The following FAF1 variants were observed in gnomAD, a reference collection of about 807,000 sequenced individuals.
The protein encoded by FAF1 is FAS-associated factor 1.
Under a neutral mutation model 92.5 loss-of-function variants are expected in FAF1, and 25 were observed. The ratio of observed to expected loss-of-function variants is 0.27; its 90% CI spans 0.20 to 0.38. FAF1 has a LOEUF of 0.38. Ranked by LOEUF, FAF1 falls within the 10% of genes least tolerant of loss-of-function variation. The pLI is 1.00. For missense variants in FAF1, 636 were observed against 793.3 expected (o/e 0.80, Z 2.38); for synonymous variants, 234 against 273.2 (o/e 0.86, Z 1.42).
intron 12 of FAF1, among the ~76,000 whole-genome samples, chr1:50,570,082 C>T (rs550875674): frequency 5.7e-4 from 87 of 152,168 alleles, no homozygotes; most frequent in African/African-American, 2.0e-3. Context: ...ACTATTATAT[C>T]GCAGTTGTGA....
intron 15 of FAF1, among the ~76,000 whole-genome samples, chr1:50,533,680 A>G (rs1269600133): frequency 3.9e-5 from 6 of 152,210 alleles, no homozygotes; most frequent in Non-Finnish European, 7.3e-5. Flanking sequence ...ACTTTTCATC[A>G]TTGTTCAGAA....
chr1:50,527,587 TAAAG>T (rs1647881873), intron 15 of FAF1, among the ~76,000 whole-genome samples: 1 of 152,170 alleles, frequency 6.6e-6, no homozygotes, highest in Non-Finnish European at 1.5e-5. Context: ...GATAATAGAA[TAAAG>T]AGTGATGACT....
chr1:50,853,080 G>A (rs1644363705), intron 2 of FAF1, among the ~76,000 whole-genome samples: 1 of 152,076 alleles, frequency 6.6e-6, no homozygotes, highest in Admixed American at 6.6e-5. Context: ...TTCGGATGAG[G>A]ACAGAGACTC....
chr1:50,683,946 A>G (rs1457604232), intron 7 of FAF1, among the ~76,000 whole-genome samples: 1 of 151,770 alleles, frequency 6.6e-6, no homozygotes, highest in African/African-American at 2.4e-5. Context: ...AAAAAAAAAA[A>G]GTAATATTTT....
chr1:50,638,736 G>A (rs1654183294), intron 8 of FAF1, among the ~76,000 whole-genome samples: 1 of 151,868 alleles, frequency 6.6e-6, no homozygotes, highest in Admixed American at 6.6e-5. Flanking sequence ...GAGCCACCAC[G>A]CCCAGCCTAG....
intron 1 of FAF1, among the ~76,000 whole-genome samples, chr1:50,869,716 G>A (rs940733407): frequency 6.6e-6 from 1 of 151,892 alleles, no homozygotes; most frequent in African/African-American, 2.4e-5. Flanking sequence ...TACCTACCTA[G>A]TATAGAGTTT....
chr1:50,565,640 T>C (rs1371750424), intron 13 of FAF1, among the ~76,000 whole-genome samples: 3 of 152,060 alleles, frequency 2.0e-5, no homozygotes, highest in African/African-American at 4.8e-5. Context: ...TGGCTGTTGA[T>C]TGCCATCATA....
chr1:50,859,595 A>G (rs907321262), intron 1 of FAF1, among the ~76,000 whole-genome samples: 1 of 152,030 alleles, frequency 6.6e-6, no homozygotes, highest in Non-Finnish European at 1.5e-5. Flanking sequence ...AACACTGCTG[A>G]AAGAAATCAG....
intron 12 of FAF1, among the ~76,000 whole-genome samples, chr1:50,572,606 A>G (rs1294449196): frequency 6.6e-6 from 1 of 152,200 alleles, no homozygotes; most frequent in East Asian, 1.9e-4. Flanking sequence ...CAAGCAGGAG[A>G]GTAGGAAGCC....
At chr1:50,910,288 C>G (rs887973120) in intron 1 of FAF1, among the ~76,000 whole-genome samples, 1 of 152,226 alleles carries the variant, frequency 6.6e-6, no homozygotes, top group East Asian at 1.9e-4. Context: ...TGTCAGTCAG[C>G]CCCTACTGGG....
At chr1:50,847,033 T>C (rs1361399621) in intron 2 of FAF1, among the ~76,000 whole-genome samples, 5 of 152,200 alleles carry the variant, frequency 3.3e-5, no homozygotes, top group Non-Finnish European at 5.9e-5. Context: ...ACTGACAGCT[T>C]CTCTGTAATC....
At chr1:50,760,358 C>T (rs1660274613) in intron 4 of FAF1, among the ~76,000 whole-genome samples, 1 of 152,178 alleles carries the variant, frequency 6.6e-6, no homozygotes, top group Admixed American at 6.5e-5. Flanking sequence ...CTACAGAACT[C>T]TCCACCCCAA....
intron 5 of FAF1, among the ~76,000 whole-genome samples, chr1:50,742,672 C>T (rs963212490): frequency 2.0e-5 from 3 of 152,218 alleles, no homozygotes; most frequent in Non-Finnish European, 4.4e-5. Flanking sequence ...GGGTGAGCCA[C>T]TCCACCCAGC....
At chr1:50,947,075 A>C (rs1396096989) in intron 1 of FAF1, among the ~76,000 whole-genome samples, 1 of 152,260 alleles carries the variant, frequency 6.6e-6, no homozygotes, top group Non-Finnish European at 1.5e-5. Context: ...AGCCTAGCAC[A>C]GTACCTGACA....
intron 17 of FAF1, among the ~76,000 whole-genome samples, chr1:50,478,808 T>C (rs1312097389): frequency 6.6e-6 from 1 of 152,232 alleles, no homozygotes; most frequent in Non-Finnish European, 1.5e-5. Flanking sequence ...GAGTCAGTGT[T>C]GTATTGTATA....
chr1:50,564,081 C>T (rs1284174667), intron 13 of FAF1, among the ~76,000 whole-genome samples: 2 of 152,102 alleles, frequency 1.3e-5, no homozygotes, highest in African/African-American at 2.4e-5. Flanking sequence ...CACTTATCTC[C>T]TACATACATG....
chr1:50,506,638 A>G (rs1235709475), intron 15 of FAF1, among the ~76,000 whole-genome samples: 3 of 152,192 alleles, frequency 2.0e-5, no homozygotes, highest in Non-Finnish European at 2.9e-5. Context: ...TAGCTGGGAC[A>G]CTTTTATTAA....
intron 18 of FAF1, among the ~76,000 whole-genome samples, chr1:50,469,082 C>A (rs1179148248): frequency 6.6e-6 from 1 of 152,070 alleles, no homozygotes; most frequent in Non-Finnish European, 1.5e-5. Context: ...TTCTTTTAAA[C>A]CTTTTGCTAT....
chr1:50,757,927 A>AT (rs570318454), intron 4 of FAF1, among the ~76,000 whole-genome samples: 4 of 149,542 alleles, frequency 2.7e-5, no homozygotes, highest in Admixed American at 6.7e-5. Flanking sequence ...TTACAACATA[A>AT]TTTTTTTTTT....
Sources: gnomAD v4.1 joint callset for allele counts (sites outside exome capture counted in the v4.1 genomes callset) on GRCh38, gnomAD v4.1.1 for gene constraint, MANE v1.5 for transcripts, NCBI Gene and HGNC (gene_info 2026-07-23, HGNC 2026-07-21) for gene names.